AGBL4: variants seen among roughly 807,000 people sequenced by gnomAD.
AGBL4 encodes the protein cytosolic carboxypeptidase 6.
AGBL4 carries 58 observed loss-of-function variants against 66.4 expected under a neutral mutation model. That is an observed-to-expected ratio of 0.87 (90% CI 0.71 to 1.09). The LOEUF is 1.09. Among genes scored for constraint, AGBL4 ranks in the 50% least tolerant of loss-of-function variants. The pLI is 0.00. For missense variants in AGBL4, 579 were observed against 631.0 expected (o/e 0.92, Z 0.88); for synonymous variants, 234 against 222.9 (o/e 1.05, Z -0.44).
At chr1:49,817,946 T>G (rs1645271808) in intron 2 of AGBL4, among the ~76,000 whole-genome samples, 1 of 152,178 alleles carries the variant, frequency 6.6e-6, no homozygotes, top group Non-Finnish European at 1.5e-5. Flanking sequence ...TATCACTTTG[T>G]GCATGTGCCA....
At chr1:48,801,899 C>A (rs4926760) in intron 6 of AGBL4, among the ~76,000 whole-genome samples, 76,367 of 144,584 alleles carry the variant, frequency 0.53, 21,404 homozygotes, top group Non-Finnish European at 0.66. Context: ...CTGGCCTTGC[C>A]TCCATAATAA....
At chr1:49,374,688 C>T (rs985200866) in intron 3 of AGBL4, among the ~76,000 whole-genome samples, 11 of 152,064 alleles carry the variant, frequency 7.2e-5, no homozygotes, top group Non-Finnish European at 1.6e-4. Flanking sequence ...ATCTTAATAT[C>T]CCCACCAGCC....
intron 6 of AGBL4, chr1:48,818,363 T>C: frequency 1.5e-6 from 1 of 680,534 alleles, no homozygotes; most frequent in Non-Finnish European, 2.7e-6. Context: ...CATGAAACAT[T>C]GCACTAAGTG....
At chr1:49,034,284 T>C (rs1220346398) in intron 5 of AGBL4, among the ~76,000 whole-genome samples, 1 of 152,094 alleles carries the variant, frequency 6.6e-6, no homozygotes, top group Non-Finnish European at 1.5e-5. Flanking sequence ...ATACTAAAAA[T>C]TTGAACTAAA....
intron 3 of AGBL4, among the ~76,000 whole-genome samples, chr1:49,460,496 G>C (rs1417303958): frequency 6.6e-6 from 1 of 151,618 alleles, no homozygotes; most frequent in African/African-American, 2.4e-5. Context: ...TGTTAGGTGA[G>C]TCTCGTGAAG....
chr1:48,804,065 C>T (rs1304411964), intron 6 of AGBL4, among the ~76,000 whole-genome samples: 2 of 152,094 alleles, frequency 1.3e-5, no homozygotes, highest in African/African-American at 2.4e-5. Flanking sequence ...TAGCATAATC[C>T]TGGCCCAGAG....
At chr1:49,406,070 C>T (rs1645190582) in intron 3 of AGBL4, among the ~76,000 whole-genome samples, 1 of 152,198 alleles carries the variant, frequency 6.6e-6, no homozygotes, top group Admixed American at 6.5e-5. Context: ...GCAATGTATT[C>T]CCTAAAACGG....
intron 7 of AGBL4, among the ~76,000 whole-genome samples, chr1:48,657,742 G>C (rs1234482730): frequency 6.6e-6 from 1 of 152,218 alleles, no homozygotes; most frequent in Non-Finnish European, 1.5e-5. Context: ...TTTGCTGAAA[G>C]CACCCAACCT....
chr1:49,374,585 T>C (rs1312411481), intron 3 of AGBL4, among the ~76,000 whole-genome samples: 1 of 152,144 alleles, frequency 6.6e-6, no homozygotes, highest in African/African-American at 2.4e-5. Flanking sequence ...TAATTTGGAA[T>C]GTAAGACTGA....
At chr1:48,691,897 C>T (rs536948192) in intron 6 of AGBL4, among the ~76,000 whole-genome samples, 1 of 152,262 alleles carries the variant, frequency 6.6e-6, no homozygotes, top group East Asian at 1.9e-4. Flanking sequence ...ACCTCTGTGC[C>T]TTTGCTTTGC....
chr1:49,550,447 T>G (rs1427697158), intron 3 of AGBL4, among the ~76,000 whole-genome samples: 1 of 152,210 alleles, frequency 6.6e-6, no homozygotes, highest in African/African-American at 2.4e-5. Flanking sequence ...TTCTAGGATT[T>G]GTATCAAGAT....
the AGBL4 span, among the ~76,000 whole-genome samples, chr1:48,524,141 G>C: frequency 6.6e-6 from 1 of 152,056 alleles, no homozygotes; most frequent in African/African-American, 2.4e-5. Context: ...TTTAGAGCAG[G>C]CCCTCAGTGA....
chr1:48,577,112 C>G (rs1259769634), intron 11 of AGBL4, among the ~76,000 whole-genome samples: 1 of 152,236 alleles, frequency 6.6e-6, no homozygotes, highest in Non-Finnish European at 1.5e-5. Flanking sequence ...GACAGTCCCT[C>G]TCATTGTCCT....
intron 3 of AGBL4, among the ~76,000 whole-genome samples, chr1:49,337,181 A>G (rs1645453789): frequency 6.6e-6 from 1 of 152,162 alleles, no homozygotes; most frequent in Non-Finnish European, 1.5e-5. Context: ...AAACATGGTT[A>G]TCTTCTTCCT....
At chr1:49,342,156 C>A (rs964789073) in intron 3 of AGBL4, among the ~76,000 whole-genome samples, 7 of 152,140 alleles carry the variant, frequency 4.6e-5, no homozygotes, top group Non-Finnish European at 7.4e-5. Flanking sequence ...TTTTTTTCCA[C>A]TCTCCCTCTC....
chr1:49,825,920 G>T lies in AGBL4; in HGVS notation c.157+25476C>A, dbSNP rs549251599. Among the ~76,000 whole-genome samples the T allele has an allele frequency of 1.9e-3, 294 of 151,526 alleles. 10 individuals carry two copies. The South Asian group carries it at 0.06, about 31-fold the overall frequency. On this transcript the variant is annotated intron_variant, in intron 2 of 13. Transcript: ENST00000371839. ...GGAGAACCCTGACAAACATACTAAA[G>T]AACTCAAACAAGGCCACCCATATAG...
At chr1:48,579,789 G>A (rs1644710156) in intron 11 of AGBL4, among the ~76,000 whole-genome samples, 1 of 150,506 alleles carries the variant, frequency 6.6e-6, no homozygotes, top group Non-Finnish European at 1.5e-5. Flanking sequence ...ACGGTGGCGG[G>A]CGCCTGTAGT....
intron 8 of AGBL4, among the ~76,000 whole-genome samples, chr1:48,642,274 T>C (rs1645768942): frequency 6.6e-6 from 1 of 152,168 alleles, no homozygotes; most frequent in Admixed American, 6.5e-5. Flanking sequence ...AATGGTGGCC[T>C]TTTCGGCAAG....
At chr1:49,025,461 G>A (rs900113626) in intron 5 of AGBL4, 2 of 152,194 alleles carry the variant, frequency 1.3e-5, no homozygotes, top group African/African-American at 4.8e-5. Flanking sequence ...GACAAGAGAA[G>A]TCAGAGCCCT....
Sources: gnomAD v4.1 joint callset for allele counts (sites outside exome capture counted in the v4.1 genomes callset) on GRCh38, gnomAD v4.1.1 for gene constraint, MANE v1.5 for transcripts, NCBI Gene and HGNC (gene_info 2026-07-23, HGNC 2026-07-21) for gene names.